Variants in PDE4D observed in about 807,000 individuals in gnomAD.
PDE4D encodes 3',5'-cyclic-AMP phosphodiesterase 4D.
PDE4D carries 24 observed loss-of-function variants against 87.4 expected under a neutral mutation model. That is an observed-to-expected ratio of 0.27 (90% CI 0.20 to 0.39). The LOEUF (loss-of-function observed/expected upper bound fraction) is 0.39. PDE4D is among the 10% of genes least tolerant of loss of function. The pLI is 1.00. For missense variants in PDE4D, 714 were observed against 1,041.0 expected (o/e 0.69, Z 4.32); for synonymous variants, 384 against 383.2 (o/e 1.00, Z -0.02).
intron 1 of PDE4D, among the ~76,000 whole-genome samples, chr5:59,318,605 C>T (rs183084334): frequency 3.0e-4 from 46 of 151,920 alleles, no homozygotes; most frequent in African/African-American, 9.2e-4. Context: ...TGTTAGTCAA[C>T]GAAGCAGACC....
chr5:60,332,494 T>C (rs913008691), intron 1 of PDE4D, among the ~76,000 whole-genome samples: 1 of 152,216 alleles, frequency 6.6e-6, no homozygotes, highest in African/African-American at 2.4e-5. Flanking sequence ...TCCAGCTGCA[T>C]CCATGCTGCT....
intron 1 of PDE4D, among the ~76,000 whole-genome samples, chr5:59,469,933 A>T (rs1802193358): frequency 4.6e-5 from 7 of 152,084 alleles, no homozygotes; most frequent in Non-Finnish European, 8.8e-5. Context: ...ACAAAAAGGC[A>T]TTGTGCTTCT....
intron 1 of PDE4D, among the ~76,000 whole-genome samples, chr5:59,624,050 C>T (rs913395187): frequency 1.5e-4 from 23 of 152,122 alleles, no homozygotes; most frequent in African/African-American, 4.1e-4. Flanking sequence ...AAAGCAGCCC[C>T]GTTGTGTTGA....
At chr5:60,499,243 G>C (rs1749956051) in intron 1 of PDE4D, among the ~76,000 whole-genome samples, 1 of 152,216 alleles carries the variant, frequency 6.6e-6, no homozygotes, top group South Asian at 2.1e-4. Context: ...GTTTGTGCCA[G>C]GAGATGTGCA....
intron 3 of PDE4D, among the ~76,000 whole-genome samples, chr5:59,954,241 AGG>A (rs1343577321): frequency 2.0e-5 from 3 of 152,164 alleles, no homozygotes; most frequent in Admixed American, 2.0e-4. Flanking sequence ...TAGTTTTAAA[AGG>A]GATGAATAGC....
chr5:59,413,033 A>G (rs1792958796), intron 1 of PDE4D, among the ~76,000 whole-genome samples: 1 of 152,162 alleles, frequency 6.6e-6, no homozygotes, highest in Non-Finnish European at 1.5e-5. Flanking sequence ...ACATTTTAGG[A>G]TTTTCCAGTT....
chr5:59,116,162 T>C (rs1000913929), intron 5 of PDE4D, among the ~76,000 whole-genome samples: 1 of 152,146 alleles, frequency 6.6e-6, no homozygotes, highest in Admixed American at 6.5e-5. Context: ...TTTCAGCATA[T>C]ATAGTACTGA....
chr5:59,200,252 C>T (rs147911746), intron 2 of PDE4D, among the ~76,000 whole-genome samples: 1 of 134,184 alleles, frequency 7.5e-6, no homozygotes, highest in Non-Finnish European at 1.6e-5. Context: ...TACAGCTACA[C>T]GTATACATAC....
chr5:60,227,452 G>C (rs2149613264), intron 1 of PDE4D, among the ~76,000 whole-genome samples: 1 of 151,954 alleles, frequency 6.6e-6, no homozygotes, highest in Non-Finnish European at 1.5e-5. Context: ...TGAGTCCCTG[G>C]CTACAGCAGC....
intron 2 of PDE4D, among the ~76,000 whole-genome samples, chr5:60,009,657 C>T (rs1764825148): frequency 6.6e-6 from 1 of 151,962 alleles, no homozygotes; most frequent in Admixed American, 6.6e-5. Context: ...GTTTGCAAAC[C>T]AGGGACCTCA....
At chr5:60,335,468 G>T (rs778854300) in intron 1 of PDE4D, among the ~76,000 whole-genome samples, 6 of 152,130 alleles carry the variant, frequency 3.9e-5, no homozygotes, top group Non-Finnish European at 7.3e-5. Context: ...TGGCTCTTGG[G>T]TCCTTGAGAA....
chr5:59,141,990 C>T (rs1262462109), intron 5 of PDE4D, among the ~76,000 whole-genome samples: 2 of 152,160 alleles, frequency 1.3e-5, no homozygotes, highest in East Asian at 1.9e-4. Flanking sequence ...TCCTTACCCA[C>T]GTTACTTCCA....
At chr5:60,235,799 C>A (rs1013126157) in intron 1 of PDE4D, among the ~76,000 whole-genome samples, 1 of 151,830 alleles carries the variant, frequency 6.6e-6, no homozygotes, top group African/African-American at 2.4e-5. Context: ...CTCCTTATTA[C>A]GTTATTGATT....
chr5:59,822,908 CT>C (rs1215866672), intron 1 of PDE4D, among the ~76,000 whole-genome samples: 1 of 152,212 alleles, frequency 6.6e-6, no homozygotes, highest in Non-Finnish European at 1.5e-5. Context: ...ATGGAAAACG[CT>C]TTCCTCAGCT....
At chr5:59,302,090 A>G (rs1192965435) in intron 1 of PDE4D, among the ~76,000 whole-genome samples, 1 of 152,190 alleles carries the variant, frequency 6.6e-6, no homozygotes, top group Non-Finnish European at 1.5e-5. Flanking sequence ...GCACTAGACC[A>G]GTAACGAAAA....
intron 1 of PDE4D, among the ~76,000 whole-genome samples, chr5:59,471,698 G>A (rs1802468145): frequency 6.6e-6 from 1 of 152,190 alleles, no homozygotes; most frequent in Non-Finnish European, 1.5e-5. Flanking sequence ...ATCACCCAAA[G>A]GGAAGGTCGT....
intron 1 of PDE4D, among the ~76,000 whole-genome samples, chr5:59,880,219 C>T (rs1749237345): frequency 6.6e-6 from 1 of 152,090 alleles, no homozygotes; most frequent in East Asian, 1.9e-4. Context: ...GATCCTCCTA[C>T]CCCAGCCTCC....
chr5:59,147,816 C>T (rs530481160), intron 5 of PDE4D, among the ~76,000 whole-genome samples: 2 of 152,130 alleles, frequency 1.3e-5, no homozygotes, highest in East Asian at 1.9e-4. Flanking sequence ...TAAAGTCCAG[C>T]GAAATACAGT....
At chr5:59,263,279 G>A (rs1762327362) in intron 1 of PDE4D, among the ~76,000 whole-genome samples, 1 of 151,982 alleles carries the variant, frequency 6.6e-6, no homozygotes, top group African/African-American at 2.4e-5. Flanking sequence ...CTACAAAGAT[G>A]AGCAAACCCA....
Sources: allele counts gnomAD v4.1 joint callset (sites outside exome capture counted in the v4.1 genomes callset), GRCh38; gene constraint gnomAD v4.1.1; transcripts MANE v1.5; gene names NCBI Gene and HGNC (gene_info 2026-07-23, HGNC 2026-07-21).